The following EDEM1 variants were observed in gnomAD, a reference collection of about 807,000 sequenced individuals.
The protein encoded by EDEM1 is ER degradation enhancing alpha-mannosidase like protein 1, also known as ER degradation-enhancing alpha-mannosidase-like protein 1.
In EDEM1, 67 loss-of-function variants were observed where a neutral mutation model predicts 74.4. The ratio of observed to expected loss-of-function variants is 0.90; its 90% CI spans 0.74 to 1.10. The LOEUF is 1.10. Ranked by LOEUF, EDEM1 falls within the 50% of genes least tolerant of loss-of-function variation. The probability of loss-of-function intolerance (pLI) is 0.00; values close to 1 mark genes in which losing one functional copy is unlikely to be tolerated. For synonymous variants in EDEM1, 382 were observed against 335.9 expected, an observed-to-expected ratio of 1.14 and a Z score of -1.50; for missense variants, 926 against 851.6, an observed-to-expected ratio of 1.09 and a Z score of -1.09.
intron 10 of EDEM1, chr3:5,211,526 G>A (rs956922005): frequency 5.2e-5 from 16 of 306,372 alleles, no homozygotes; most frequent in East Asian, 4.4e-4. Flanking sequence ...CGGGGAAGAC[G>A]CCTCTGAGGA....
intron 1 of EDEM1, among the ~76,000 whole-genome samples, chr3:5,190,069 T>A (rs1170410632): frequency 7.3e-6 from 1 of 137,580 alleles, no homozygotes; most frequent in African/African-American, 3.5e-5. Flanking sequence ...GCTTTGATGT[T>A]TTTTCTTTTT....
intron 1 of EDEM1, among the ~76,000 whole-genome samples, chr3:5,192,920 A>ATTTTT (rs201219399): frequency 1.3e-4 from 19 of 144,016 alleles, no homozygotes; most frequent in African/African-American, 4.8e-4. Flanking sequence ...ACTGCAAGTA[A>ATTTTT]TTTTTTTTTT....
At position 5,216,191 on chromosome 3, in the gene EDEM1, A is replaced by C. The variant is rs1367903272; in HGVS notation, c.*273A>C. On this transcript the variant is annotated 3_prime_UTR_variant, in exon 12 of 12. Transcript: ENST00000256497. ...CATGTTGATGTTATAAGCACAATAG[A>C]TGGGGCATCTTTGGATTGATGTTCA... The C allele has an allele frequency of 5.8e-5, 25 of 433,580 alleles. No homozygotes were observed. The highest frequency in any genetic ancestry group is 5.0e-4 in the African/African-American group (24 of 48,344). 26.9% of individuals were successfully genotyped at this position (433,580 alleles called of 1,614,324 possible).
intron 10 of EDEM1, 86 bp from the exon 11 acceptor site, chr3:5,213,216 GCCCAAGCAAATTCTACT>G (rs2055188615): frequency 8.6e-7 from 1 of 1,167,516 alleles, no homozygotes; most frequent in Non-Finnish European, 1.2e-6. Flanking sequence ...GAAGCATGAG[GCCCAAGCAAATTCTACT>G]CCCTGAGTAG....
In EDEM1 at chr3:5,205,213, C is replaced by G; in HGVS notation, c.1189C>G (p.Gln397Glu). The G allele has an allele frequency of 6.2e-7, 1 of 1,614,096 alleles. No homozygotes were observed. Among genetic ancestry groups the G allele is most frequent in the African/African-American group, 1.3e-5 (1 of 75,058 alleles). The change falls in exon 6 of 12, where the codon CAG (glutamine) becomes GAG (glutamate). Residue 397 changes from glutamine to glutamate, a missense_variant. By Grantham distance (29) the Gln-to-Glu change is conservative (BLOSUM62 2). Coordinates refer to ENST00000256497, the MANE Select transcript of EDEM1 (RefSeq NM_014674.3). Reference sequence around the variant, plus strand: ...CCTAGAAATGTTTAATGCTGCATATCAGAGTATTCAGAACTACTTAAGAAG... The same window carrying G: ...CCTAGAAATGTTTAATGCTGCATATGAGAGTATTCAGAACTACTTAAGAAG... ...EDLEMFNAAY[Q>E]SIQNYLRRGR... is the part of the protein sequence containing the mutation.
In EDEM1 at chr3:5,203,098, C is replaced by T. The variant is rs755241828; in HGVS notation, c.991C>T (p.Arg331Ter). The T allele has an allele frequency of 4.3e-6, 7 of 1,609,860 alleles. No homozygotes were observed. Among genetic ancestry groups the T allele is most frequent in the Non-Finnish European group, 5.1e-6 (6 of 1,178,270 alleles). The change falls in exon 5 of 12, where the codon CGA (arginine) becomes TGA (stop). Residue 331 changes from arginine to a stop codon, truncating the protein, a stop_gained. Transcript: ENST00000256497. LOFTEE classifies it high-confidence loss of function. ...GDSTFEWVAR[R>*]AVKALWNLRS... ...CTCCACATTTGAGTGGGTGGCCAGA[C>T]GAGCAGTGAAAGCCCTTTGGAACCT...
At position 5,217,584 on chromosome 3, in the gene EDEM1, T is replaced by G. The variant is rs2055255727; in HGVS notation, c.*1666T>G. On this transcript the variant is annotated 3_prime_UTR_variant, in exon 12 of 12. Transcript: ENST00000256497. ...TCTTTGAGATTTTTGAAAAGAGTAT[T>G]TTCAGTAATAAACGTGCCATCTCTA... is the stretch of plus-strand genomic sequence containing the variant. The G allele has an allele frequency of 1.3e-5, 2 of 152,642 alleles. No homozygotes were observed. The highest frequency in any genetic ancestry group is 6.5e-5 in the Admixed American group (1 of 15,278). 9.5% of individuals were successfully genotyped at this position (152,642 alleles called of 1,614,324 possible).
At chr3:5,203,980 C>G (rs2055064746) in intron 5 of EDEM1, among the ~76,000 whole-genome samples, 1 of 152,328 alleles carries the variant, frequency 6.6e-6, no homozygotes, top group Admixed American at 6.5e-5. Context: ...AATTCTCCCA[C>G]CTTGGCCTCA....
chr3:5,203,171 T>C, intron 5 of EDEM1, 22 bp downstream of exon 5: 2 of 1,538,678 alleles, frequency 1.3e-6, no homozygotes. Flanking sequence ...TTCCTCGCCA[T>C]TGGGACTGCA....
At position 5,218,360 on chromosome 3, in the gene EDEM1, T is replaced by G. The variant is rs1434881432; in HGVS notation, c.*2442T>G. 2.6e-5 allele frequency: 4 copies of G among 151,964 alleles called. No individual in the cohort carries two copies. Among genetic ancestry groups the G allele is most frequent in the African/African-American group, 7.3e-5 (3 of 41,358 alleles). The allele number at this position is 151,964 out of a possible 1,614,324, so 9.4% of individuals were successfully genotyped here. ...CAGTTTCAAAGGTTACTTGTTTTTT[T>G]TTTTTTTTTTTAAAGTCAGAATGTT... On this transcript the variant is annotated 3_prime_UTR_variant, in exon 12 of 12. Coordinates refer to ENST00000256497, the MANE Select transcript of EDEM1 (RefSeq NM_014674.3).
intron 6 of EDEM1, among the ~76,000 whole-genome samples, chr3:5,206,193 C>T (rs1187336143): frequency 6.6e-6 from 1 of 151,502 alleles, no homozygotes; most frequent in African/African-American, 2.4e-5. Flanking sequence ...TAGTGTCACT[C>T]TCTTTCCCAG....
chr3:5,196,455 T>C (rs1386844777), intron 2 of EDEM1, among the ~76,000 whole-genome samples: 1 of 93,856 alleles, frequency 1.1e-5, no homozygotes, highest in Non-Finnish European at 2.5e-5. Flanking sequence ...AGACTCCATC[T>C]CTGGAGACAC....
intron 11 of EDEM1, among the ~76,000 whole-genome samples, chr3:5,215,365 A>G (rs1226727538): frequency 1.3e-5 from 2 of 152,230 alleles, no homozygotes; most frequent in African/African-American, 4.8e-5. Context: ...TGAGAAAAAC[A>G]TAGCTCAGAA....
In EDEM1 at chr3:5,207,170, AAGG is replaced by A; in HGVS notation, c.1238_1240del (p.Gly413del). 1 of 1,614,100 alleles carries A rather than the reference AAGG, an allele frequency of 6.2e-7. No individual in the cohort carries two copies. The highest frequency in any genetic ancestry group is 8.5e-7 in the Non-Finnish European group (1 of 1,180,002). ...GTTTGCAGGCGGGAAGCCTGCAATG[AAGG>A]AGAAGGAGACCCTCCACTCTATGTC... On this transcript the variant is annotated inframe_deletion, in exon 7 of 12. Transcript: ENST00000256497.
rs1437064782 is a variant in EDEM1, at chr3:5,218,721, C to T, written c.*2803C>T. The T allele has an allele frequency of 6.6e-6, 1 of 151,774 alleles. No homozygotes were observed. The highest frequency in any genetic ancestry group is 1.5e-5 in the Non-Finnish European group (1 of 68,034). 9.4% of individuals were successfully genotyped at this position (151,774 alleles called of 1,614,324 possible). On this transcript the variant is annotated 3_prime_UTR_variant, in exon 12 of 12. Transcript: ENST00000256497. The stretch of plus-strand genomic sequence containing the variant: ...CTTTCAAATCATTACAGTAGCTTAG[C>T]TACTTTAGTTGATGTGACCGAGGAA...
At position 5,188,137 on chromosome 3, in the gene EDEM1, C is replaced by T. The variant is rs1405079919; in HGVS notation, c.332C>T (p.Pro111Leu). 3 of 1,532,610 alleles carry T rather than the reference C, an allele frequency of 2.0e-6. No homozygotes were observed. The Admixed American group carries it at 6.1e-5, about 31-fold the overall frequency. 94.9% of individuals were successfully genotyped at this position (1,532,610 alleles called of 1,614,324 possible). The change falls in exon 1 of 12, where the codon CCG becomes CTG. Residue 111 changes from proline to leucine, a missense_variant. Pro to Leu is a moderately conservative substitution (Grantham distance 98). Coordinates refer to ENST00000256497, the MANE Select transcript of EDEM1 (RefSeq NM_014674.3). Reference protein sequence around the residue: ...GYVLGGRGRGPDEYEKRYSGA... With the variant: ...GYVLGGRGRGLDEYEKRYSGA... ...GTGCTGGGCGGCCGGGGCCGCGGCC[C>T]GGACGAGTACGAGAAGCGCTACAGC...
At chr3:5,203,650 A>G (rs2055060085) in intron 5 of EDEM1, among the ~76,000 whole-genome samples, 1 of 152,192 alleles carries the variant, frequency 6.6e-6, no homozygotes, top group South Asian at 2.1e-4. Flanking sequence ...TAGTAGAGAG[A>G]AAGTATGATG....
intron 9 of EDEM1, 76 bp from the exon 10 acceptor site, chr3:5,211,044 G>GAATGTTTCTGCTTCTTA: frequency 7.7e-7 from 1 of 1,305,552 alleles, no homozygotes; most frequent in Non-Finnish European, 1.1e-6. Flanking sequence ...TCTGATAAGA[G>GAATGTTTCTGCTTCTTA]AATGTTTCTG....
At position 5,210,121 on chromosome 3, in the gene EDEM1, G is replaced by T. The variant is rs965075370; in HGVS notation, c.1510-54G>T. On this transcript the variant is annotated intron_variant, in intron 8 of 11. Coordinates refer to ENST00000256497, the MANE Select transcript of EDEM1 (RefSeq NM_014674.3). ...CCCCGCAGTCACCATGATGTTTGTC[G>T]ATGGCATGTCTTCCAAGCCCATGCT... 8 of 1,510,158 alleles carry T rather than the reference G, an allele frequency of 5.3e-6. No individual in the cohort carries two copies. In the Admixed American group the frequency reaches 8.4e-5, roughly 16 times the overall value. The allele number at this position is 1,510,158 out of a possible 1,614,324, so 93.5% of individuals were successfully genotyped here.
Sources: gnomAD v4.1 joint callset for allele counts (sites outside exome capture counted in the v4.1 genomes callset) on GRCh38, gnomAD v4.1.1 for gene constraint, MANE v1.5 for transcripts, NCBI Gene and HGNC (gene_info 2026-07-23, HGNC 2026-07-21) for gene names.